STPG2: variants seen among roughly 807,000 people sequenced by gnomAD.
The protein encoded by STPG2 is sperm-tail PG-rich repeat-containing protein 2.
STPG2 carries 56 observed loss-of-function variants against 54.2 expected under a neutral mutation model. That is an observed-to-expected ratio of 1.03 (90% CI 0.83 to 1.29). The LOEUF is 1.29. STPG2 is among the 50% of genes most tolerant of loss of function. The probability of loss-of-function intolerance (pLI) is 0.00; values close to 1 mark genes in which losing one functional copy is unlikely to be tolerated. For missense variants in STPG2, 596 were observed against 544.9 expected (o/e 1.09, Z -0.93); for synonymous variants, 200 against 181.8 (o/e 1.10, Z -0.81).
chr4:98,046,050 C>T (rs866426786), intron 5 of STPG2, among the ~76,000 whole-genome samples: 2 of 136,492 alleles, frequency 1.5e-5, no homozygotes, highest in Middle Eastern at 3.9e-3. Context: ...TTTTTTCATT[C>T]TTTTTTTTTT....
At chr4:97,597,397 A>T (rs954615625) in intron 10 of STPG2, among the ~76,000 whole-genome samples, 1 of 152,118 alleles carries the variant, frequency 6.6e-6, no homozygotes, top group African/African-American at 2.4e-5. Context: ...ACTCCTCACT[A>T]ACTCATTCTA....
intron 8 of STPG2, among the ~76,000 whole-genome samples, chr4:97,915,795 G>C (rs1219192804): frequency 2.6e-5 from 4 of 152,176 alleles, no homozygotes; most frequent in Non-Finnish European, 5.9e-5. Flanking sequence ...CAAGGAGTCT[G>C]AACTCCACCA....
chr4:97,920,436 C>A (rs1165553327), intron 8 of STPG2, among the ~76,000 whole-genome samples: 1 of 152,058 alleles, frequency 6.6e-6, no homozygotes, highest in Non-Finnish European at 1.5e-5. Context: ...TGCCACTGGA[C>A]CAAAGTAAAA....
At chr4:98,115,423 T>C (rs1739489484) in intron 3 of STPG2, among the ~76,000 whole-genome samples, 1 of 151,990 alleles carries the variant, frequency 6.6e-6, no homozygotes, top group South Asian at 2.1e-4. Flanking sequence ...CTAAACTTTA[T>C]CATTCAAAAT....
intron 5 of STPG2, among the ~76,000 whole-genome samples, chr4:98,000,633 A>G (rs1053968985): frequency 6.6e-6 from 1 of 152,216 alleles, no homozygotes; most frequent in African/African-American, 2.4e-5. Context: ...AACATGCTCT[A>G]TGTGGTTCCT....
Position 98,128,416 on chromosome 4 carries a change from C to A in STPG2, c.387+12G>T. The A allele has an allele frequency of 1.3e-6, 2 of 1,577,886 alleles. No individual in the cohort carries two copies. Among genetic ancestry groups the A allele is most frequent in the Non-Finnish European group, 1.7e-6 (2 of 1,166,392 alleles). On this transcript the variant is annotated intron_variant, in intron 3 of 10. Transcript: ENST00000295268. The stretch of plus-strand genomic sequence containing the variant: ...ATTTTCCAATTGTCAATATGAAATA[C>A]ATTATACTTACAAATTGAGGTTTGT...
intron 8 of STPG2, among the ~76,000 whole-genome samples, chr4:97,861,108 T>C (rs1457670296): frequency 6.6e-6 from 1 of 152,094 alleles, no homozygotes; most frequent in Non-Finnish European, 1.5e-5. Context: ...TGTTAGGGGA[T>C]TAATAACCAG....
chr4:97,573,610 T>C (rs1732652877), intron 10 of STPG2, among the ~76,000 whole-genome samples: 1 of 152,078 alleles, frequency 6.6e-6, no homozygotes, highest in African/African-American at 2.4e-5. Context: ...TGAAATTGTC[T>C]GCACTCTTCT....
intron 9 of STPG2, among the ~76,000 whole-genome samples, chr4:97,742,563 G>GTATATATATA (rs1400378092): frequency 8.4e-6 from 1 of 119,270 alleles, no homozygotes; most frequent in African/African-American, 3.3e-5. Context: ...GTGTGTGTGT[G>GTATATATATA]TGTCTATATA....
At chr4:97,886,660 A>C (rs1730580171) in intron 8 of STPG2, among the ~76,000 whole-genome samples, 1 of 152,204 alleles carries the variant, frequency 6.6e-6, no homozygotes, top group African/African-American at 2.4e-5. Flanking sequence ...CAAACTATTA[A>C]ACAAGTACTA....
intron 4 of STPG2, among the ~76,000 whole-genome samples, chr4:97,543,544 A>C (rs971359654): frequency 1.3e-5 from 2 of 152,104 alleles, no homozygotes; most frequent in Non-Finnish European, 2.9e-5. Context: ...CACGCCAAAC[A>C]ATTAAACAAG....
At chr4:97,805,609 G>A (rs1338456527) in intron 9 of STPG2, among the ~76,000 whole-genome samples, 1 of 152,138 alleles carries the variant, frequency 6.6e-6, no homozygotes, top group Non-Finnish European at 1.5e-5. Context: ...ACTTAAGAAT[G>A]GGGTTATTCC....
chr4:97,725,656 G>T (rs1324757558), intron 9 of STPG2, among the ~76,000 whole-genome samples: 2 of 151,120 alleles, frequency 1.3e-5, no homozygotes, highest in African/African-American at 4.9e-5. Flanking sequence ...AAGATAAAAA[G>T]ATATTTAAAA....
downstream of STPG2, among the ~76,000 whole-genome samples, chr4:97,558,518 C>CAGCT (rs113098689): frequency 8.9e-3 from 1,348 of 152,290 alleles, 13 homozygotes; most frequent in African/African-American, 0.03. Context: ...TGAAGGAAGC[C>CAGCT]AGCTGCCTTA....
At chr4:97,517,386 T>C (rs894281708) in intron 4 of STPG2, among the ~76,000 whole-genome samples, 2 of 152,064 alleles carry the variant, frequency 1.3e-5, no homozygotes, top group African/African-American at 4.8e-5. Flanking sequence ...ACATTGACAT[T>C]AATTCAGGAA....
Position 97,674,050 on chromosome 4 carries a change from T to C in STPG2, c.1320+38649A>G, listed in dbSNP as rs112792687. 4.9e-3 allele frequency among the ~76,000 whole-genome samples: 749 copies of C among 152,284 alleles called. 3 individuals are homozygous for C. The highest frequency in any genetic ancestry group is 0.02 in the Middle Eastern group (6 of 294). On this transcript the variant is annotated intron_variant, in intron 10 of 10. Coordinates refer to ENST00000295268, the MANE Select transcript of STPG2 (RefSeq NM_174952.3). ...TATCCTTCAAGTCTAGACTGAAATATTCTCTGAAATGTGTTACCTGCCTTA... is the reference window on the plus strand; with the variant it reads ...TATCCTTCAAGTCTAGACTGAAATACTCTCTGAAATGTGTTACCTGCCTTA...
At chr4:97,973,950 C>T (rs1380334343) in intron 6 of STPG2, among the ~76,000 whole-genome samples, 1 of 152,160 alleles carries the variant, frequency 6.6e-6, no homozygotes, top group Non-Finnish European at 1.5e-5. Flanking sequence ...AGAAGAGGGC[C>T]ACCATATTCC....
chr4:97,970,246 T>C (rs1232628119), intron 7 of STPG2, among the ~76,000 whole-genome samples: 1 of 152,170 alleles, frequency 6.6e-6, no homozygotes, highest in Non-Finnish European at 1.5e-5. Flanking sequence ...AGGTAATTTA[T>C]AGATTCAATG....
At chr4:97,695,416 C>G (rs1723538228) in intron 10 of STPG2, among the ~76,000 whole-genome samples, 1 of 152,166 alleles carries the variant, frequency 6.6e-6, no homozygotes. Flanking sequence ...TGAAAGCATT[C>G]TTCCTGAGAA....
Sources: allele counts gnomAD v4.1 joint callset (sites outside exome capture counted in the v4.1 genomes callset), GRCh38; gene constraint gnomAD v4.1.1; transcripts MANE v1.5; gene names NCBI Gene and HGNC (gene_info 2026-07-23, HGNC 2026-07-21).